IAPP: variants seen among roughly 807,000 people sequenced by gnomAD.
IAPP encodes islet amyloid polypeptide, also known as Islet amyloid polypeptide (diabetes-associated peptide; amylin).
A neutral mutation model predicts 2.9 loss-of-function variants in IAPP; 4 were observed. The ratio of observed to expected loss-of-function variants is 1.39; its 90% CI spans 0.69 to 3.19. The LOEUF is 3.19. Ranked by LOEUF, IAPP falls within the 30% of genes most tolerant of loss-of-function variation. The pLI is 0.01. For synonymous variants in IAPP, 40 were observed against 42.1 expected, an observed-to-expected ratio of 0.95 and a Z score of 0.19; for missense variants, 114 against 105.3, an observed-to-expected ratio of 1.08 and a Z score of -0.36.
At chr12:21,366,570 A>G (rs2137070130) in intron 1 of IAPP, among the ~76,000 whole-genome samples, 1 of 152,216 alleles carries the variant, frequency 6.6e-6, no homozygotes, top group East Asian at 1.9e-4. Flanking sequence ...AAAAAGAAAT[A>G]TAAACATTAA....
At chr12:21,378,184 A>G in intron 2 of IAPP, 53 bp from the exon 3 acceptor site, 4 of 1,504,914 alleles carry the variant, frequency 2.7e-6, no homozygotes, top group Non-Finnish European at 3.7e-6. Flanking sequence ...ACATGGCTGG[A>G]TCCAGCTAAA....
At chr12:21,359,348 T>C (rs1938628397) in intron 1 of IAPP, among the ~76,000 whole-genome samples, 1 of 151,946 alleles carries the variant, frequency 6.6e-6, no homozygotes, top group African/African-American at 2.4e-5. Flanking sequence ...ATCAACTAAA[T>C]TATAAACCCT....
At chr12:21,374,002 G>T (rs1450493377) in intron 2 of IAPP, among the ~76,000 whole-genome samples, 1 of 152,114 alleles carries the variant, frequency 6.6e-6, no homozygotes, top group Non-Finnish European at 1.5e-5. Flanking sequence ...ATTCTATATT[G>T]CTAGCTAGCT....
At position 21,362,385 on chromosome 12, in the gene IAPP, A is replaced by T. The variant is rs551161676; in HGVS notation, c.-16+7372A>T. On this transcript the variant is annotated intron_variant, in intron 1 of 2. Transcript: ENST00000539393. ...GTCACCACCATGCCTGACTTACAAG[A>T]GCTCCTTAAGGAAGCACTAAACATG... Among the ~76,000 whole-genome samples, 7 of 152,272 alleles carry T rather than the reference A, an allele frequency of 4.6e-5. No individual in the cohort carries two copies. In the East Asian group the frequency reaches 1.4e-3, roughly 29 times the overall value.
At chr12:21,366,774 T>A (rs77397980) in intron 1 of IAPP, among the ~76,000 whole-genome samples, 171 of 151,974 alleles carry the variant, frequency 1.1e-3, no homozygotes, top group African/African-American at 4.0e-3. Context: ...ATTAAAAATA[T>A]GATTGTAGAA....
At chr12:21,371,384 T>C (rs1939777138), upstream of IAPP, among the ~76,000 whole-genome samples, 1 of 146,484 alleles carries the variant, frequency 6.8e-6, no homozygotes. Context: ...AAATGCATTA[T>C]CCTTCCATTT....
chr12:21,373,701 A>G (rs1388060400), intron 2 of IAPP: 1 of 701,850 alleles, frequency 1.4e-6, no homozygotes, highest in East Asian at 2.7e-5. Flanking sequence ...AGAGGGGCAA[A>G]GCCAGAACAT....
intron 1 of IAPP, among the ~76,000 whole-genome samples, chr12:21,364,246 T>C (rs576390879): frequency 1.3e-5 from 2 of 152,188 alleles, no homozygotes; most frequent in East Asian, 1.9e-4. Context: ...GTTCAACATA[T>C]GCAAATCAAT....
intron 1 of IAPP, among the ~76,000 whole-genome samples, chr12:21,362,524 G>A (rs986024800): frequency 1.3e-5 from 2 of 152,110 alleles, no homozygotes; most frequent in Non-Finnish European, 2.9e-5. Context: ...ACATCATAAT[G>A]ACAGGATAAA....
At position 21,378,576 on chromosome 12, in the gene IAPP, A is replaced by G. The variant is rs1245912452; in HGVS notation, c.*150A>G. On this transcript the variant is annotated 3_prime_UTR_variant, in exon 3 of 3. Coordinates refer to ENST00000240652, the MANE Select transcript of IAPP (RefSeq NM_000415.3). ...ATACCTTCTCAAAAGATTGTTTTATATGTAGTACTAACTAAGGTCCCATAA... is the reference window on the plus strand; with the variant it reads ...ATACCTTCTCAAAAGATTGTTTTATGTGTAGTACTAACTAAGGTCCCATAA... 12 of 639,882 alleles carry G rather than the reference A, an allele frequency of 1.9e-5. No individual in the cohort carries two copies. The highest frequency in any genetic ancestry group is 3.0e-5 in the Non-Finnish European group (11 of 362,224). 39.6% of individuals were successfully genotyped at this position (639,882 alleles called of 1,614,324 possible).
chr12:21,357,356 C>A (rs1938450926), intron 1 of IAPP, among the ~76,000 whole-genome samples: 1 of 152,146 alleles, frequency 6.6e-6, no homozygotes, highest in Non-Finnish European at 1.5e-5. Context: ...TGCTGCTTCT[C>A]CAAACCAACA....
chr12:21,367,126 T>TA (rs1939446964), intron 1 of IAPP, among the ~76,000 whole-genome samples: 1 of 152,016 alleles, frequency 6.6e-6, no homozygotes. Context: ...CAATGAAATA[T>TA]AAAAAATCAA....
At chr12:21,374,819 G>GTCTCTCTCTCTCTC (rs71043266) in intron 2 of IAPP, among the ~76,000 whole-genome samples, 2 of 148,266 alleles carry the variant, frequency 1.3e-5, no homozygotes, top group African/African-American at 5.0e-5. Context: ...TTGAGACAGG[G>GTCTCTCTCTCTCTC]TCTCTCTCTC....
At chr12:21,366,331 T>G (rs1044726541) in intron 1 of IAPP, among the ~76,000 whole-genome samples, 7 of 139,434 alleles carry the variant, frequency 5.0e-5, no homozygotes, top group African/African-American at 1.6e-4. Context: ...TTCTCACTCA[T>G]AGGTGAGAAT....
At chr12:21,366,580 A>G (rs1036145175) in intron 1 of IAPP, among the ~76,000 whole-genome samples, 1 of 152,188 alleles carries the variant, frequency 6.6e-6, no homozygotes, top group African/African-American at 2.4e-5. Flanking sequence ...ATAAACATTA[A>G]AAGATATTTT....
At chr12:21,376,442 G>A (rs1940197924) in intron 2 of IAPP, 1 of 197,220 alleles carries the variant, frequency 5.1e-6, no homozygotes, top group Non-Finnish European at 1.1e-5. Flanking sequence ...CTTTTGAAAT[G>A]TACATTGGTC....
At chr12:21,366,546 A>G (rs1423538406) in intron 1 of IAPP, among the ~76,000 whole-genome samples, 3 of 152,138 alleles carry the variant, frequency 2.0e-5, no homozygotes, top group Admixed American at 2.0e-4. Context: ...AAGTAAAATA[A>G]TAAAATAAAA....
chr12:21,359,161 T>C (rs1938613578), intron 1 of IAPP, among the ~76,000 whole-genome samples: 2 of 152,150 alleles, frequency 1.3e-5, no homozygotes, highest in Admixed American at 1.3e-4. Context: ...ACTTTAAGAC[T>C]ATGGACTTTA....
upstream of IAPP, among the ~76,000 whole-genome samples, chr12:21,369,154 TCTTTTA>T (rs995593082): frequency 2.6e-5 from 4 of 152,196 alleles, no homozygotes; most frequent in South Asian, 2.1e-4. Flanking sequence ...ATATAAAACA[TCTTTTA>T]CTTTTAAAAT....
Sources: gnomAD v4.1 joint callset for allele counts (sites outside exome capture counted in the v4.1 genomes callset) on GRCh38, gnomAD v4.1.1 for gene constraint, MANE v1.5 for transcripts, NCBI Gene and HGNC (gene_info 2026-07-23, HGNC 2026-07-21) for gene names.